STN1: variants seen among roughly 807,000 people sequenced by gnomAD.
STN1 encodes the protein STN1 subunit of CST complex.
In STN1, 29 loss-of-function variants were observed where a neutral mutation model predicts 45.5. The ratio of observed to expected loss-of-function variants is 0.64; its 90% CI spans 0.47 to 0.87. STN1 has a LOEUF of 0.87. STN1 is among the 40% of genes least tolerant of loss of function. The pLI, the probability that STN1 is intolerant of heterozygous loss-of-function variation, is 0.00. For synonymous variants in STN1, 148 were observed against 159.0 expected (o/e 0.93, Z 0.52); for missense variants, 376 against 441.4 (o/e 0.85, Z 1.33).
At chr10:103,908,179 G>A (rs1843256161) in intron 3 of STN1, among the ~76,000 whole-genome samples, 1 of 152,062 alleles carries the variant, frequency 6.6e-6, no homozygotes, top group Admixed American at 6.5e-5. Flanking sequence ...AGAATGCGAG[G>A]TCATTCTGGT....
chr10:103,913,514 A>G (rs762857281), intron 2 of STN1, among the ~76,000 whole-genome samples: 15 of 152,178 alleles, frequency 9.9e-5, no homozygotes, highest in Non-Finnish European at 1.9e-4. Context: ...AGACTATAAC[A>G]GATAGTTTGA....
At chr10:103,886,135 C>T (rs1407242756) in intron 9 of STN1, among the ~76,000 whole-genome samples, 1 of 152,066 alleles carries the variant, frequency 6.6e-6, no homozygotes, top group African/African-American at 2.4e-5. Flanking sequence ...TCAGTTTCTA[C>T]CAAAAGCAGC....
At chr10:103,917,960 C>T (rs1843345958) in intron 1 of STN1, 140 bp downstream of exon 1, 1 of 191,118 alleles carries the variant, frequency 5.2e-6, no homozygotes, top group Non-Finnish European at 1.1e-5. Context: ...GCTTGGGGTC[C>T]CGGGAGGAAC....
At chr10:103,905,563 T>C (rs893922192) in intron 3 of STN1, among the ~76,000 whole-genome samples, 7 of 152,164 alleles carry the variant, frequency 4.6e-5, no homozygotes, top group South Asian at 2.1e-4. Context: ...CAAGAGAGCA[T>C]CGTGTGGAGT....
Position 103,881,008 on chromosome 10 carries a change from C to T in STN1, c.*1676G>A, listed in dbSNP as rs1043385317. Among the ~76,000 whole-genome samples the T allele has an allele frequency of 3.9e-5, 6 of 152,108 alleles. No homozygotes were observed. In the East Asian group the frequency reaches 7.7e-4, roughly 20 times the overall value. ...AGATAATGGTGTTATACTATAGAAA[C>T]AGATCTATAACTCTATCTACTTCCC... On this transcript the variant is annotated 3_prime_UTR_variant, in exon 10 of 10. Coordinates refer to ENST00000224950, the MANE Select transcript of STN1 (RefSeq NM_024928.5).
rs1374852402 is a variant in STN1 at position 103,898,956 on chromosome 10, G to A, written c.502C>T (p.Leu168Phe). 1 of 1,614,090 alleles carries A rather than the reference G, an allele frequency of 6.2e-7. No homozygotes were observed. The highest frequency in any genetic ancestry group is 8.5e-7 in the Non-Finnish European group (1 of 1,179,986). Residue 168 changes from leucine to phenylalanine, a missense_variant, in exon 6 of 10, where the codon CTT (leucine) becomes TTT (phenylalanine). By Grantham distance (22) the Leu-to-Phe change is conservative. Coordinates refer to ENST00000224950, the MANE Select transcript of STN1 (RefSeq NM_024928.5). ...PVWNIQIARM[L>F]ELPTIYRKVY... ...TTCCTGTAGATAGTGGGCAGCTCAA[G>A]CATCCTTGCAATTTGAATGTTCCAC... is the stretch of plus-strand genomic sequence containing the variant.
intron 3 of STN1, 28 bp from the exon 4 acceptor site, chr10:103,905,184 G>A: frequency 6.2e-7 from 1 of 1,603,676 alleles, no homozygotes; most frequent in Non-Finnish European, 8.5e-7. Flanking sequence ...AAGGGTATAA[G>A]AGAGATTTGG....
In STN1 at chr10:103,882,686, AG is replaced by A; in HGVS notation, c.1104del (p.Ter369GlufsTer44). ...VSTMEHYYTA[F>X] is the part of the protein sequence containing the mutation. ...TCAGCTGGTCTGCGTGTCTCTGCTC[AG>A]AACGCTGTGTAGTAGTGCTCCATTG... is the stretch of plus-strand genomic sequence containing the variant. On this transcript the variant is annotated frameshift_variant, in exon 10 of 10. Coordinates refer to ENST00000224950, the MANE Select transcript of STN1 (RefSeq NM_024928.5). LOFTEE classifies it high-confidence loss of function. 1 of 1,609,670 alleles carries A rather than the reference AG, an allele frequency of 6.2e-7. No individual in the cohort carries two copies. The highest frequency in any genetic ancestry group is 8.5e-7 in the Non-Finnish European group (1 of 1,177,458).
At chr10:103,913,909 A>C (rs935539145) in intron 2 of STN1, among the ~76,000 whole-genome samples, 1 of 152,110 alleles carries the variant, frequency 6.6e-6, no homozygotes, top group Non-Finnish European at 1.5e-5. Context: ...CAGGCCCCCA[A>C]GAAGGAGGAG....
In STN1 at chr10:103,889,055, T is replaced by C. The variant is rs2134358552; in HGVS notation, c.949+17A>G. On this transcript the variant is annotated intron_variant, in intron 9 of 9. Coordinates refer to ENST00000224950, the MANE Select transcript of STN1 (RefSeq NM_024928.5). ...TTCCAGGGCACCAGGGCATCACTTGTACATTATACCACTTACGATTTGGTT... is the reference window on the plus strand; with the variant it reads ...TTCCAGGGCACCAGGGCATCACTTGCACATTATACCACTTACGATTTGGTT... The C allele has an allele frequency of 1.3e-6, 2 of 1,582,506 alleles. No homozygotes were observed. Among genetic ancestry groups the C allele is most frequent in the Non-Finnish European group, 1.7e-6 (2 of 1,151,146 alleles).
Position 103,917,652 on chromosome 10 carries a change from A to G in STN1, c.-58T>C, listed in dbSNP as rs1843343317. 1.3e-6 allele frequency: 2 copies of G among 1,584,918 alleles called. No homozygotes were observed. The highest frequency in any genetic ancestry group is 1.8e-5 in the Admixed American group (1 of 57,100). On this transcript the variant is annotated 5_prime_UTR_variant, in exon 2 of 10. Coordinates refer to ENST00000224950, the MANE Select transcript of STN1 (RefSeq NM_024928.5). ...TGAAAGGTTCTGCATCACTGAGTCA[A>G]GCATCTAGATGGGACACAGAAATGA...
chr10:103,908,176 G>A (rs541579748), intron 3 of STN1, among the ~76,000 whole-genome samples: 4 of 152,072 alleles, frequency 2.6e-5, no homozygotes, highest in African/African-American at 9.6e-5. Context: ...TAGAGAATGC[G>A]AGGTCATTCT....
intron 1 of STN1, 136 bp downstream of exon 1, chr10:103,917,964 G>A (rs1279541545): frequency 1.6e-5 from 3 of 191,616 alleles, no homozygotes; most frequent in East Asian, 2.8e-4. Flanking sequence ...GGGGTCCCGG[G>A]AGGAACGGGC....
chr10:103,915,947 T>G lies in STN1; in HGVS notation c.133+1515A>C, dbSNP rs190652824. Reference sequence around the variant, plus strand: ...GGTTTGCGCTCCTAAAAGAATGTAATGCCGCTGCTGATGTGACAGGATGTG... The same window carrying G: ...GGTTTGCGCTCCTAAAAGAATGTAAGGCCGCTGCTGATGTGACAGGATGTG... On this transcript the variant is annotated intron_variant, in intron 2 of 9. Transcript: ENST00000224950. Among the ~76,000 whole-genome samples the G allele has an allele frequency of 9.2e-5, 14 of 152,104 alleles. No individual in the cohort carries two copies. In the East Asian group the frequency reaches 2.5e-3, roughly 27 times the overall value.
chr10:103,909,402 A>G (rs868584980), intron 3 of STN1, among the ~76,000 whole-genome samples: 141 of 65,768 alleles, frequency 2.1e-3, no homozygotes, highest in Admixed American at 2.7e-3. Flanking sequence ...ATATATGTAT[A>G]TATATGTATA....
At chr10:103,913,928 T>C (rs1843307609) in intron 2 of STN1, among the ~76,000 whole-genome samples, 1 of 152,056 alleles carries the variant, frequency 6.6e-6, no homozygotes, top group Non-Finnish European at 1.5e-5. Context: ...AGGGTCAAGC[T>C]ATAAGGGTTC....
At chr10:103,895,832 A>G (rs368155429) in intron 7 of STN1, among the ~76,000 whole-genome samples, 1 of 152,232 alleles carries the variant, frequency 6.6e-6, no homozygotes, top group Non-Finnish European at 1.5e-5. Context: ...GAAAACATCT[A>G]AACAGTCCAG....
At chr10:103,895,339 T>C (rs765292052) in intron 7 of STN1, among the ~76,000 whole-genome samples, 1 of 152,244 alleles carries the variant, frequency 6.6e-6, no homozygotes, top group Non-Finnish European at 1.5e-5. Context: ...TCTCTCTCTC[T>C]ACTTAATTAT....
intron 1 of STN1, 159 bp from the exon 2 acceptor site, chr10:103,917,815 C>T: frequency 1.9e-6 from 1 of 516,360 alleles, no homozygotes; most frequent in Non-Finnish European, 3.5e-6. Context: ...TGTTAAGAGG[C>T]GTTCCTCACG....
Sources: allele counts gnomAD v4.1 joint callset (sites outside exome capture counted in the v4.1 genomes callset), GRCh38; gene constraint gnomAD v4.1.1; transcripts MANE v1.5; gene names NCBI Gene and HGNC (gene_info 2026-07-23, HGNC 2026-07-21).